Variants in LRP1B observed in about 807,000 individuals in gnomAD.
LRP1B encodes the protein LDL receptor related protein 1B.
LRP1B carries 217 observed loss-of-function variants against 556.6 expected under a neutral mutation model. The ratio of observed to expected loss-of-function variants is 0.39; its 90% CI spans 0.35 to 0.44. The LOEUF is 0.44. Ranked by LOEUF, LRP1B falls within the 20% of genes least tolerant of loss-of-function variation. LRP1B has a pLI of 1.00. For missense variants in LRP1B, 5,053 were observed against 5,620.8 expected (o/e 0.90, Z 3.23); for synonymous variants, 2,047 against 1,865.8 (o/e 1.10, Z -2.50).
intron 59 of LRP1B, among the ~76,000 whole-genome samples, chr2:140,479,250 G>A (rs1688117781): frequency 6.6e-6 from 1 of 151,826 alleles, no homozygotes; most frequent in African/African-American, 2.4e-5. Flanking sequence ...CAATAAGACT[G>A]TGCTAAACAT....
chr2:141,996,949 G>A (rs1326721688), intron 1 of LRP1B, among the ~76,000 whole-genome samples: 1 of 152,156 alleles, frequency 6.6e-6, no homozygotes. Context: ...TGTATTCAAT[G>A]TATCAAATTG....
intron 2 of LRP1B, among the ~76,000 whole-genome samples, chr2:141,547,286 A>G (rs78762504): frequency 5.2e-4 from 79 of 152,266 alleles, no homozygotes; most frequent in South Asian, 2.3e-3. Flanking sequence ...TCATCCTTAC[A>G]TCCTAATTTC....
chr2:141,556,564 T>C (rs1020430354), intron 2 of LRP1B, among the ~76,000 whole-genome samples: 1 of 151,894 alleles, frequency 6.6e-6, no homozygotes, highest in Non-Finnish European at 1.5e-5. Context: ...GGGGTACTTA[T>C]TAACAGCTGT....
At chr2:141,894,544 T>G (rs1211949437) in intron 1 of LRP1B, among the ~76,000 whole-genome samples, 1 of 152,054 alleles carries the variant, frequency 6.6e-6, no homozygotes, top group Non-Finnish European at 1.5e-5. Context: ...TACATATGTA[T>G]AGCTTAGGAA....
At chr2:140,882,091 GTTGGTATACATGCTA>G (rs1456541356) in intron 25 of LRP1B, among the ~76,000 whole-genome samples, 2 of 152,092 alleles carry the variant, frequency 1.3e-5, no homozygotes, top group African/African-American at 4.8e-5. Flanking sequence ...TTCTTCTCAT[GTTGGTATACATGCTA>G]GGACTACAAT....
chr2:141,038,151 C>A (rs1698591866), intron 11 of LRP1B, among the ~76,000 whole-genome samples: 1 of 147,324 alleles, frequency 6.8e-6, no homozygotes, highest in South Asian at 2.2e-4. Context: ...AAAAAAAAAT[C>A]TAGCAAGCTG....
chr2:141,226,907 G>A (rs1558945953), intron 6 of LRP1B, among the ~76,000 whole-genome samples: 2 of 152,074 alleles, frequency 1.3e-5, no homozygotes, highest in Non-Finnish European at 2.9e-5. Flanking sequence ...TTTTTCTAAA[G>A]TGACTATGTA....
At chr2:140,532,929 G>GATATATATATACATATATATAT (rs1690765480) in intron 47 of LRP1B, among the ~76,000 whole-genome samples, 6 of 50,410 alleles carry the variant, frequency 1.2e-4, no homozygotes, top group East Asian at 2.0e-3. Context: ...CACAGCACAA[G>GATATATATATACATATATATAT]ATATATATAT....
intron 82 of LRP1B, among the ~76,000 whole-genome samples, chr2:140,320,886 T>TAC (rs59640913): frequency 0.016 from 2,418 of 151,004 alleles, 48 homozygotes; most frequent in African/African-American, 0.048. Context: ...CTACTAAAAA[T>TAC]ACACACACAC....
intron 3 of LRP1B, among the ~76,000 whole-genome samples, chr2:141,361,766 C>T (rs749584299): frequency 6.6e-6 from 1 of 152,100 alleles, no homozygotes; most frequent in Non-Finnish European, 1.5e-5. Context: ...CTGTTCAGTC[C>T]TTCAGAAAAG....
intron 3 of LRP1B, among the ~76,000 whole-genome samples, chr2:141,477,736 T>TA (rs1474246270): frequency 2.0e-5 from 3 of 152,098 alleles, no homozygotes; most frequent in Non-Finnish European, 2.9e-5. Flanking sequence ...ACCTTGTTCT[T>TA]ACGATGCTAT....
chr2:141,273,258 G>A lies in LRP1B; in HGVS notation c.344-18617C>T, dbSNP rs149459450. 3.0e-3 allele frequency among the ~76,000 whole-genome samples: 451 copies of A among 151,674 alleles called. 2 individuals are homozygous for A. Among genetic ancestry groups the A allele is most frequent in the South Asian group, 0.011 (51 of 4,800 alleles). ...CAGGAGGTAGGGGTTGCAGTGAACC[G>A]AGATCATACCACTGCACTCCAGCCT... is the stretch of plus-strand genomic sequence containing the variant. On this transcript the variant is annotated intron_variant, in intron 3 of 90. Transcript: ENST00000389484.
intron 1 of LRP1B, among the ~76,000 whole-genome samples, chr2:141,971,648 C>A (rs963235626): frequency 6.6e-6 from 1 of 151,226 alleles, no homozygotes; most frequent in Non-Finnish European, 1.5e-5. Flanking sequence ...CAGAGAGAGC[C>A]CATAAGGCAT....
chr2:140,293,316 T>A (rs1344388109), intron 84 of LRP1B, among the ~76,000 whole-genome samples: 2 of 152,202 alleles, frequency 1.3e-5, no homozygotes, highest in Non-Finnish European at 2.9e-5. Context: ...ACTTGTTTAT[T>A]TTTATTTATA....
At chr2:141,214,515 G>A (rs1421502402) in intron 6 of LRP1B, among the ~76,000 whole-genome samples, 3 of 152,128 alleles carry the variant, frequency 2.0e-5, no homozygotes, top group Non-Finnish European at 4.4e-5. Flanking sequence ...TTCCTTCACT[G>A]GAAAATGTCT....
chr2:141,476,884 G>A (rs1270613633), intron 3 of LRP1B, among the ~76,000 whole-genome samples: 1 of 152,188 alleles, frequency 6.6e-6, no homozygotes, highest in Admixed American at 6.5e-5. Context: ...AGCACTTTGT[G>A]ATGCTGAGGC....
At chr2:140,332,981 G>A (rs975257895) in intron 79 of LRP1B, among the ~76,000 whole-genome samples, 1 of 151,996 alleles carries the variant, frequency 6.6e-6, no homozygotes, top group African/African-American at 2.4e-5. Flanking sequence ...TTACCTTGCC[G>A]TATTCTTCAA....
intron 77 of LRP1B, 37 bp downstream of exon 77, chr2:140,350,760 G>A (rs2105115170): frequency 1.3e-6 from 2 of 1,593,778 alleles, no homozygotes; most frequent in Non-Finnish European, 1.7e-6. Context: ...GTGGGGAAAA[G>A]GTATGGACTT....
rs181664385 is a variant in LRP1B, at chr2:142,061,707, G to T, written c.82+68941C>A. Among the ~76,000 whole-genome samples, 65 of 151,970 alleles carry T rather than the reference G, an allele frequency of 4.3e-4. 2 individuals carry two copies. The East Asian group carries it at 0.011, about 25-fold the overall frequency. ...AAAATTTAATCAATTCAAAAGTTTG[G>T]CATTGATAATATATCTTCTTTAGTG... On this transcript the variant is annotated intron_variant, in intron 1 of 90. Transcript: ENST00000389484.
Sources: allele counts gnomAD v4.1 joint callset (sites outside exome capture counted in the v4.1 genomes callset), GRCh38; gene constraint gnomAD v4.1.1; transcripts MANE v1.5; gene names NCBI Gene and HGNC (gene_info 2026-07-23, HGNC 2026-07-21).